The following GRID2 variants were observed in gnomAD, a reference collection of about 807,000 sequenced individuals.
GRID2 encodes glutamate ionotropic receptor delta type subunit 2, also known as glutamate receptor ionotropic, delta-2.
In GRID2, 33 loss-of-function variants were observed where a neutral mutation model predicts 114.8. The ratio of observed to expected loss-of-function variants is 0.29; its 90% CI spans 0.22 to 0.38. The LOEUF (loss-of-function observed/expected upper bound fraction) is 0.38. Among genes scored for constraint, GRID2 ranks in the 10% least tolerant of loss-of-function variants. The pLI, the probability that GRID2 is intolerant of heterozygous loss-of-function variation, is 1.00. For synonymous variants in GRID2, 505 were observed against 449.9 expected (o/e 1.12, Z -1.55); for missense variants, 1,184 against 1,257.7 (o/e 0.94, Z 0.89).
intron 10 of GRID2, among the ~76,000 whole-genome samples, chr4:93,438,715 G>T (rs1453316986): frequency 6.6e-6 from 1 of 151,724 alleles, no homozygotes; most frequent in Non-Finnish European, 1.5e-5. Context: ...AAGTTTTAGG[G>T]TACATGTGCA....
At chr4:93,712,625 A>C (rs1728581613) in intron 14 of GRID2, among the ~76,000 whole-genome samples, 1 of 152,172 alleles carries the variant, frequency 6.6e-6, no homozygotes, top group Admixed American at 6.5e-5. Flanking sequence ...ACTTAAATCT[A>C]TAACCTTGGT....
downstream of GRID2, among the ~76,000 whole-genome samples, chr4:93,778,494 T>C (rs1198039896): frequency 6.8e-6 from 1 of 147,614 alleles, no homozygotes; most frequent in Non-Finnish European, 1.5e-5. Context: ...CCTCCTAGGC[T>C]CAGGCAATTC....
intron 1 of GRID2, among the ~76,000 whole-genome samples, chr4:92,415,667 G>A (rs1032382687): frequency 6.7e-6 from 1 of 148,708 alleles, no homozygotes; most frequent in African/African-American, 2.5e-5. Context: ...TTATGGCTGA[G>A]TAGTATTCCA....
chr4:92,313,081 ATGTGTGTGTGTGTG>A (rs144557382), intron 1 of GRID2, among the ~76,000 whole-genome samples: 18 of 145,212 alleles, frequency 1.2e-4, no homozygotes, highest in African/African-American at 2.5e-4. Context: ...AAACTCTGAT[ATGTGTGTGTGTGTG>A]TGTGTGTGTG....
At chr4:93,297,571 C>CT (rs957969242) in intron 8 of GRID2, among the ~76,000 whole-genome samples, 6 of 152,068 alleles carry the variant, frequency 3.9e-5, no homozygotes, top group African/African-American at 1.4e-4. Flanking sequence ...CTAATCTGGG[C>CT]TTTTTTAGAT....
chr4:93,662,727 TA>T (rs943837791), intron 14 of GRID2, among the ~76,000 whole-genome samples: 1 of 152,076 alleles, frequency 6.6e-6, no homozygotes, highest in Non-Finnish European at 1.5e-5. Flanking sequence ...GCTATCAAAA[TA>T]AAAAAATGAC....
At chr4:92,782,728 G>C (rs1251271298) in intron 2 of GRID2, among the ~76,000 whole-genome samples, 2 of 151,978 alleles carry the variant, frequency 1.3e-5, no homozygotes, top group South Asian at 2.1e-4. Context: ...CGTAATACAT[G>C]ATGAGTGGGA....
At chr4:93,800,293 T>C (rs1237739677) in intron 1 of GRID2, among the ~76,000 whole-genome samples, 1 of 152,224 alleles carries the variant, frequency 6.6e-6, no homozygotes, top group East Asian at 1.9e-4. Context: ...TGGCTTTCAC[T>C]GACATTTACA....
intron 14 of GRID2, among the ~76,000 whole-genome samples, chr4:93,729,626 A>G (rs941929143): frequency 1.3e-5 from 2 of 151,680 alleles, no homozygotes; most frequent in Admixed American, 1.3e-4. Context: ...GCTCACTGCA[A>G]TCTCCACCTC....
rs532256743 is a variant in GRID2 at position 93,070,927 on chromosome 4, G to A, written c.245-14068G>A. On this transcript the variant is annotated intron_variant, in intron 2 of 15. Transcript: ENST00000282020. ...TGAATTAAATGTTCTAATTTATTAC[G>A]TTATACTCACAGTTTAAGAAATATT... Among the ~76,000 whole-genome samples the A allele has an allele frequency of 5.3e-5, 8 of 152,072 alleles. No homozygotes were observed. The East Asian group carries it at 7.7e-4, about 15-fold the overall frequency.
intron 10 of GRID2, among the ~76,000 whole-genome samples, chr4:93,425,508 G>A (rs922904677): frequency 6.6e-6 from 1 of 152,126 alleles, no homozygotes; most frequent in Non-Finnish European, 1.5e-5. Flanking sequence ...AATTCAATCT[G>A]TATCTTCCCT....
chr4:92,537,461 A>G (rs1320154086), intron 1 of GRID2, among the ~76,000 whole-genome samples: 1 of 152,200 alleles, frequency 6.6e-6, no homozygotes, highest in African/African-American at 2.4e-5. Context: ...TATAATTACC[A>G]ATCTTCAATT....
At chr4:93,199,128 A>G (rs1741815342) in intron 4 of GRID2, among the ~76,000 whole-genome samples, 1 of 152,144 alleles carries the variant, frequency 6.6e-6, no homozygotes, top group Non-Finnish European at 1.5e-5. Flanking sequence ...GTCCTTCAAC[A>G]AACACCGCTT....
At chr4:93,613,463 A>G (rs1371224985) in intron 13 of GRID2, among the ~76,000 whole-genome samples, 1 of 90,470 alleles carries the variant, frequency 1.1e-5, no homozygotes, top group African/African-American at 4.3e-5. Context: ...TTGGTCTTTG[A>G]TGATGGTGAT....
intron 2 of GRID2, among the ~76,000 whole-genome samples, chr4:92,827,048 C>T (rs1463290444): frequency 6.6e-6 from 1 of 151,964 alleles, no homozygotes; most frequent in Non-Finnish European, 1.5e-5. Flanking sequence ...ATACACTTCT[C>T]CCCTCCAGTT....
rs1301908038 is a variant in GRID2 at position 92,388,771 on chromosome 4, T to G, written c.88+84027T>G. ...TTTGTGTATATATATGAAATAGACTTGACCCTCAGTCCTAATATCAGAGTT... is the reference window on the plus strand; with the variant it reads ...TTTGTGTATATATATGAAATAGACTGGACCCTCAGTCCTAATATCAGAGTT... On this transcript the variant is annotated intron_variant, in intron 1 of 15. Coordinates refer to ENST00000282020, the MANE Select transcript of GRID2 (RefSeq NM_001510.4). Among the ~76,000 whole-genome samples, 2 of 152,060 alleles carry G rather than the reference T, an allele frequency of 1.3e-5. 1 individual carries two copies. The highest frequency in any genetic ancestry group is 2.9e-5 in the Non-Finnish European group (2 of 67,980).
intron 8 of GRID2, among the ~76,000 whole-genome samples, chr4:93,242,549 G>A (rs531221004): frequency 2.0e-5 from 3 of 152,152 alleles, no homozygotes; most frequent in African/African-American, 7.2e-5. Flanking sequence ...AAGTGACAAA[G>A]CATAAAATCT....
At chr4:93,591,073 C>T (rs1429993623) in intron 13 of GRID2, among the ~76,000 whole-genome samples, 2 of 147,428 alleles carry the variant, frequency 1.4e-5, no homozygotes, top group Admixed American at 1.4e-4. Flanking sequence ...ATTGCCCTGG[C>T]CAGAACTTCC....
At chr4:93,659,387 C>A (rs1723290797) in intron 14 of GRID2, among the ~76,000 whole-genome samples, 1 of 152,058 alleles carries the variant, frequency 6.6e-6, no homozygotes, top group African/African-American at 2.4e-5. Flanking sequence ...CTGAGAGACA[C>A]AGATTATATA....
Sources: gnomAD v4.1 joint callset for allele counts (sites outside exome capture counted in the v4.1 genomes callset) on GRCh38, gnomAD v4.1.1 for gene constraint, MANE v1.5 for transcripts, NCBI Gene and HGNC (gene_info 2026-07-23, HGNC 2026-07-21) for gene names.